Variants in PLEKHG3 observed in about 807,000 individuals in gnomAD.
PLEKHG3 encodes pleckstrin homology and RhoGEF domain containing G3.
Under a neutral mutation model 94.9 loss-of-function variants are expected in PLEKHG3, and 62 were observed. The observed-to-expected ratio is 0.65, with a 90% CI of 0.53 to 0.81. The LOEUF is 0.81. Ranked by LOEUF, PLEKHG3 falls within the 30% of genes least tolerant of loss-of-function variation. The pLI is 0.00. For missense variants in PLEKHG3, 1,461 were observed against 1,619.3 expected (o/e 0.90, Z 1.68); for synonymous variants, 614 against 654.0 (o/e 0.94, Z 0.93).
chr14:64,736,446 C>T (rs2139390325), intron 12 of PLEKHG3, among the ~76,000 whole-genome samples: 1 of 152,332 alleles, frequency 6.6e-6, no homozygotes, highest in East Asian at 1.9e-4. Flanking sequence ...CGCTGATATG[C>T]TCATTGCCAG....
At position 64,714,011 on chromosome 14, in the gene PLEKHG3, ATTT is replaced by A. The variant is rs964700522; in HGVS notation, c.-40+9310_-40+9312del. On this transcript the variant is annotated intron_variant, in intron 1 of 16. Coordinates refer to ENST00000247226, the MANE Select transcript of PLEKHG3 (RefSeq NM_001308147.2). ...TATACTACCATCTTCTTTTATTAAGATTTTTATCTCTTTTATATTTCCAATCAT... is the reference window on the plus strand; with the variant it reads ...TATACTACCATCTTCTTTTATTAAGATTATCTCTTTTATATTTCCAATCAT... Among the ~76,000 whole-genome samples, 22 of 151,468 alleles carry A rather than the reference ATTT, an allele frequency of 1.5e-4. 1 individual carries two copies. Among genetic ancestry groups the A allele is most frequent in the African/African-American group, 5.1e-4 (21 of 41,432 alleles).
At position 64,732,904 on chromosome 14, in the gene PLEKHG3, A is replaced by T. The variant is rs2081497716; in HGVS notation, c.1345+3A>T. On this transcript the variant is annotated splice_donor_region_variant and intron_variant, in intron 12 of 16. Transcript: ENST00000247226. This position sits in a 1 kb window ranked among gnomAD's most constrained non-coding sequence, Gnocchi z 4.9. ...GCGCCAGGGGCGCCGGCAATCTGGT[A>T]AGAGAAGGGCTGTGGAGGCAGGAGG... 6.3e-7 allele frequency: 1 copy of T among 1,584,174 alleles called. No homozygotes were observed. The highest frequency in any genetic ancestry group is 1.7e-5 in the Admixed American group (1 of 57,740).
intron 15 of PLEKHG3, 48 bp from the exon 16 acceptor site, chr14:64,740,983 GATCCC>G: frequency 7.0e-7 from 1 of 1,435,596 alleles, no homozygotes; most frequent in South Asian, 1.4e-5. Flanking sequence ...TTGTTCCCCG[GATCCC>G]ATGAAGGAGG....
rs761544084 is a variant in PLEKHG3, at chr14:64,749,970, G to A, written c.*6267G>A. ...ATCAACCCGAGCTTTCAAAGGCCAG[G>A]AAGGCCTCACCTCAGCTTAAAGACG... On this transcript the variant is annotated 3_prime_UTR_variant, in exon 17 of 17. Transcript: ENST00000247226. This position sits in a 1 kb window ranked among gnomAD's most constrained non-coding sequence, Gnocchi z 4.7. 26 of 1,614,198 alleles carry A rather than the reference G, an allele frequency of 1.6e-5. No homozygotes were observed. The South Asian group carries it at 2.9e-4, about 18-fold the overall frequency.
chr14:64,743,371 G>T lies in PLEKHG3; in HGVS notation c.3328G>T (p.Gly1110Ter). Reference protein sequence around the residue: ...SLSTKRGRGGGEAAQSPGPLP... With the variant: ...SLSTKRGRGG The stretch of plus-strand genomic sequence containing the variant: ...GAGCACCAAGAGGGGCCGGGGAGGC[G>T]GAGAGGCTGCCCAATCCCCTGGGCC... The change falls in exon 17 of 17, where the codon GGA becomes TGA. Residue 1110 changes from glycine to a stop codon, truncating the protein, a stop_gained. Coordinates refer to ENST00000247226, the MANE Select transcript of PLEKHG3 (RefSeq NM_001308147.2). LOFTEE classifies it low-confidence loss of function (END_TRUNC). This position sits in a 1 kb window ranked among gnomAD's most constrained non-coding sequence, Gnocchi z 7.2. The T allele has an allele frequency of 6.2e-7, 1 of 1,608,018 alleles. No homozygotes were observed. Among genetic ancestry groups the T allele is most frequent in the Non-Finnish European group, 8.5e-7 (1 of 1,176,948 alleles).
In PLEKHG3 at chr14:64,721,271, C is replaced by T. The variant is rs551627245; in HGVS notation, c.-39-6322C>T. On this transcript the variant is annotated intron_variant, in intron 1 of 16. Transcript: ENST00000247226. This position sits in a 1 kb window ranked among gnomAD's most constrained non-coding sequence, Gnocchi z 4.3. ...TTCCAGGTTTGGGAGACAACATGGG[C>T]ACATGTTGGGTAGGTGGGGACAGGG... Among the ~76,000 whole-genome samples the T allele has an allele frequency of 1.3e-5, 2 of 152,228 alleles. No individual in the cohort carries two copies. The highest frequency in any genetic ancestry group is 3.9e-4 in the East Asian group (2 of 5,174).
At position 64,725,864 on chromosome 14, in the gene PLEKHG3, A is replaced by G. The variant is rs1351611963; in HGVS notation, c.-39-1729A>G. On this transcript the variant is annotated intron_variant, in intron 1 of 16. Coordinates refer to ENST00000247226, the MANE Select transcript of PLEKHG3 (RefSeq NM_001308147.2). This position sits in a 1 kb window ranked among gnomAD's most constrained non-coding sequence, Gnocchi z 5.0. ...AGGCGCTTGATCTGTACCTCAGTAA[A>G]AGCATCAGTTTGTTCACCATTGTTG... Among the ~76,000 whole-genome samples the G allele has an allele frequency of 2.0e-5, 3 of 152,144 alleles. No homozygotes were observed. The highest frequency in any genetic ancestry group is 7.2e-5 in the African/African-American group (3 of 41,414).
At position 64,731,190 on chromosome 14, in the gene PLEKHG3, T is replaced by TG. The variant is rs1317143637; in HGVS notation, c.849+26dup. On this transcript the variant is annotated intron_variant, in intron 7 of 16. Coordinates refer to ENST00000247226, the MANE Select transcript of PLEKHG3 (RefSeq NM_001308147.2). The surrounding 1 kb of genome is among the most constrained non-coding windows in gnomAD (Gnocchi z 6.1). Reference sequence around the variant, plus strand: ...TCCAGGTGCTCTGGGGCTGGGACGCTGGGGGAGGGGCAGGGCTGGGTGGGC... The same window carrying TG: ...TCCAGGTGCTCTGGGGCTGGGACGCTGGGGGGAGGGGCAGGGCTGGGTGGGC... The TG allele has an allele frequency of 9.9e-7, 1 of 1,005,206 alleles. No homozygotes were observed. Among genetic ancestry groups the TG allele is most frequent in the South Asian group, 1.3e-5 (1 of 77,320 alleles). 62.3% of individuals were successfully genotyped at this position (1,005,206 alleles called of 1,614,324 possible). A position where few individuals can be genotyped will look rare whatever the true frequency, so the allele number is the denominator to read the frequency against.
At position 64,731,332 on chromosome 14, in the gene PLEKHG3, C is replaced by T. The variant is rs2081458790; in HGVS notation, c.850-29C>T. 2.5e-6 allele frequency: 4 copies of T among 1,594,720 alleles called. No individual in the cohort carries two copies. Among genetic ancestry groups the T allele is most frequent in the Non-Finnish European group, 3.4e-6 (4 of 1,164,234 alleles). Reference sequence around the variant, plus strand: ...GCCTCCTAAGGCCCCAGTGGCCTGACTCTAGGGATTGGGGCCCCTCTGCTG... The same window carrying T: ...GCCTCCTAAGGCCCCAGTGGCCTGATTCTAGGGATTGGGGCCCCTCTGCTG... On this transcript the variant is annotated intron_variant, in intron 7 of 16. Coordinates refer to ENST00000247226, the MANE Select transcript of PLEKHG3 (RefSeq NM_001308147.2). The surrounding 1 kb of genome is among the most constrained non-coding windows in gnomAD (Gnocchi z 6.1).
Position 64,743,739 on chromosome 14 carries a change from G to A in PLEKHG3, c.*36G>A, listed in dbSNP as rs188374641. ...TGGGGGAGGGAGGAGTCATGTTGGAGGTTGGGGAAGAACCTGGGCATCCTT... is the reference window on the plus strand; with the variant it reads ...TGGGGGAGGGAGGAGTCATGTTGGAAGTTGGGGAAGAACCTGGGCATCCTT... On this transcript the variant is annotated 3_prime_UTR_variant, in exon 17 of 17. Coordinates refer to ENST00000247226, the MANE Select transcript of PLEKHG3 (RefSeq NM_001308147.2). The surrounding 1 kb of genome is among the most constrained non-coding windows in gnomAD (Gnocchi z 7.2). 3.8e-4 allele frequency: 574 copies of A among 1,507,822 alleles called. 2 individuals carry two copies. The African/African-American group carries it at 7.5e-3, about 20-fold the overall frequency. The allele number at this position is 1,507,822 out of a possible 1,614,324, so 93.4% of individuals were successfully genotyped here.
chr14:64,732,461 G>T lies in PLEKHG3; in HGVS notation c.1246+1G>T. 1 of 1,612,908 alleles carries T rather than the reference G, an allele frequency of 6.2e-7. No individual in the cohort carries two copies. The highest frequency in any genetic ancestry group is 8.5e-7 in the Non-Finnish European group (1 of 1,178,868). Reference sequence around the variant, plus strand: ...GCCATCTTGGAAATGGATTCCTATTGTAAGTGTACCCTTTTCTGCCTGTTT... The same window carrying T: ...GCCATCTTGGAAATGGATTCCTATTTTAAGTGTACCCTTTTCTGCCTGTTT... On this transcript the variant is annotated splice_donor_variant, in intron 11 of 16. Transcript: ENST00000247226. LOFTEE classifies it high-confidence loss of function. The surrounding 1 kb of genome is among the most constrained non-coding windows in gnomAD (Gnocchi z 4.9).
In PLEKHG3 at chr14:64,745,983, TTCTGCGG is replaced by T. The variant is rs2139403740; in HGVS notation, c.*2283_*2289del. On this transcript the variant is annotated 3_prime_UTR_variant, in exon 17 of 17. Coordinates refer to ENST00000247226, the MANE Select transcript of PLEKHG3 (RefSeq NM_001308147.2). The surrounding 1 kb of genome is among the most constrained non-coding windows in gnomAD (Gnocchi z 5.0). ...ATCCCAGGCTTAGAGATTCTGATGATTCTGCGGTCCAGTGAGTGCTGAGATCTGTCCT... is the reference window on the plus strand; with the variant it reads ...ATCCCAGGCTTAGAGATTCTGATGATTCCAGTGAGTGCTGAGATCTGTCCT... The T allele has an allele frequency of 6.6e-6, 1 of 152,448 alleles. No homozygotes were observed. Among genetic ancestry groups the T allele is most frequent in the East Asian group, 1.9e-4 (1 of 5,186 alleles). The allele number at this position is 152,448 out of a possible 1,614,324, so 9.4% of individuals were successfully genotyped here. A position where few individuals can be genotyped will look rare whatever the true frequency, so the allele number is the denominator to read the frequency against.
rs61468622 is a variant in PLEKHG3 at position 64,716,435 on chromosome 14, T to TACACAC, written c.-39-11132_-39-11127dup. On this transcript the variant is annotated intron_variant, in intron 1 of 16. Coordinates refer to ENST00000247226, the MANE Select transcript of PLEKHG3 (RefSeq NM_001308147.2). This position sits in a 1 kb window ranked among gnomAD's most constrained non-coding sequence, Gnocchi z 5.0. ...GGTTAGAGAAGGTCATGTAGGGCCCTACACACACACACACACACACACACA... is the reference window on the plus strand; with the variant it reads ...GGTTAGAGAAGGTCATGTAGGGCCCTACACACACACACACACACACACACACACACA... 0.033 allele frequency among the ~76,000 whole-genome samples: 3,509 copies of TACACAC among 105,206 alleles called. 97 individuals are homozygous for TACACAC. Among genetic ancestry groups the TACACAC allele is most frequent in the Middle Eastern group, 0.057 (11 of 194 alleles). 69.0% of individuals were successfully genotyped at this position (105,206 alleles called of 152,430 possible). A position where few individuals can be genotyped will look rare whatever the true frequency, so the allele number is the denominator to read the frequency against.
Position 64,725,862 on chromosome 14 carries a change from A to G in PLEKHG3, c.-39-1731A>G, listed in dbSNP as rs1321430860. Among the ~76,000 whole-genome samples, 1 of 152,190 alleles carries G rather than the reference A, an allele frequency of 6.6e-6. No individual in the cohort carries two copies. The highest frequency in any genetic ancestry group is 1.5e-5 in the Non-Finnish European group (1 of 68,028). On this transcript the variant is annotated intron_variant, in intron 1 of 16. Transcript: ENST00000247226. This position sits in a 1 kb window ranked among gnomAD's most constrained non-coding sequence, Gnocchi z 5.0. Reference sequence around the variant, plus strand: ...TGAGGCGCTTGATCTGTACCTCAGTAAAAGCATCAGTTTGTTCACCATTGT... The same window carrying G: ...TGAGGCGCTTGATCTGTACCTCAGTGAAAGCATCAGTTTGTTCACCATTGT...
In PLEKHG3 at chr14:64,746,743, A is replaced by G. The variant is rs2081849288; in HGVS notation, c.*3040A>G. 1.3e-5 allele frequency: 2 copies of G among 152,528 alleles called. No homozygotes were observed. The highest frequency in any genetic ancestry group is 4.8e-5 in the African/African-American group (2 of 41,420). The allele number at this position is 152,528 out of a possible 1,614,324, so 9.4% of individuals were successfully genotyped here. A position where few individuals can be genotyped will look rare whatever the true frequency, so the allele number is the denominator to read the frequency against. On this transcript the variant is annotated 3_prime_UTR_variant, in exon 17 of 17. Coordinates refer to ENST00000247226, the MANE Select transcript of PLEKHG3 (RefSeq NM_001308147.2). This position sits in a 1 kb window ranked among gnomAD's most constrained non-coding sequence, Gnocchi z 4.9. ...GTTGAGGCTGGGACAAAGGGGAAGG[A>G]GAGAGGGAAGGAGGACCGCCTGACC...
At chr14:64,711,791 G>C (rs1480753282) in intron 1 of PLEKHG3, among the ~76,000 whole-genome samples, 1 of 152,134 alleles carries the variant, frequency 6.6e-6, no homozygotes, top group Admixed American at 6.5e-5. Flanking sequence ...TCTGTGATTT[G>C]TCTTTTCACT....
At position 64,748,557 on chromosome 14, in the gene PLEKHG3, G is replaced by A. The variant is rs1278886493; in HGVS notation, c.*4854G>A. On this transcript the variant is annotated 3_prime_UTR_variant, in exon 17 of 17. Transcript: ENST00000247226. The stretch of plus-strand genomic sequence containing the variant: ...GACCGCCTGTGGTGGCACAAAGGGT[G>A]CTAGAGGCACTCAGCCAGGCCCTGC... 6.6e-6 allele frequency: 1 copy of A among 152,546 alleles called. No homozygotes were observed. Among genetic ancestry groups the A allele is most frequent in the African/African-American group, 2.4e-5 (1 of 41,460 alleles). The allele number at this position is 152,546 out of a possible 1,614,324, so 9.4% of individuals were successfully genotyped here. A position where few individuals can be genotyped will look rare whatever the true frequency, so the allele number is the denominator to read the frequency against.
rs10147271 is a variant in PLEKHG3 at position 64,716,466 on chromosome 14, A to C, written c.-39-11127A>C. On this transcript the variant is annotated intron_variant, in intron 1 of 16. Coordinates refer to ENST00000247226, the MANE Select transcript of PLEKHG3 (RefSeq NM_001308147.2). The surrounding 1 kb of genome is among the most constrained non-coding windows in gnomAD (Gnocchi z 5.0). The stretch of plus-strand genomic sequence containing the variant: ...CACACACACACACACACACACACAC[A>C]ACACACACACACACAACACACACAC... Among the ~76,000 whole-genome samples the C allele has an allele frequency of 1.3e-4, 11 of 86,446 alleles. No homozygotes were observed. Among genetic ancestry groups the C allele is most frequent in the African/African-American group, 3.1e-4 (7 of 22,244 alleles). 56.7% of individuals were successfully genotyped at this position (86,446 alleles called of 152,430 possible). A position where few individuals can be genotyped will look rare whatever the true frequency, so the allele number is the denominator to read the frequency against.
In PLEKHG3 at chr14:64,732,295, G is replaced by A. The variant is rs1369628323; in HGVS notation, c.1212+114G>A. 10 of 1,228,908 alleles carry A rather than the reference G, an allele frequency of 8.1e-6. No individual in the cohort carries two copies. The highest frequency in any genetic ancestry group is 7.4e-5 in the African/African-American group (5 of 67,488). 76.1% of individuals were successfully genotyped at this position (1,228,908 alleles called of 1,614,324 possible). A position where few individuals can be genotyped will look rare whatever the true frequency, so the allele number is the denominator to read the frequency against. ...ATTTGGGCTCCAGTGGACAGTGAGT[G>A]TCAGTACAGCAGATGCCCCGGGCCT... On this transcript the variant is annotated intron_variant, in intron 10 of 16. Transcript: ENST00000247226. This position sits in a 1 kb window ranked among gnomAD's most constrained non-coding sequence, Gnocchi z 4.9.
Sources: gnomAD v4.1 joint callset for allele counts (sites outside exome capture counted in the v4.1 genomes callset) on GRCh38, gnomAD v4.1.1 for gene constraint, Gnocchi (gnomAD v3.1) non-coding constraint, MANE v1.5 for transcripts, NCBI Gene and HGNC (gene_info 2026-07-23, HGNC 2026-07-21) for gene names.